Variants in ZNF785 observed in about 807,000 individuals in gnomAD.
ZNF785 encodes the protein zinc finger protein 785.
Under a neutral mutation model 11.3 loss-of-function variants are expected in ZNF785, and 15 were observed. The observed-to-expected ratio is 1.32, with a 90% CI of 0.89 to 2.04. ZNF785 has a LOEUF of 2.04. Ranked by LOEUF, ZNF785 falls within the 30% of genes most tolerant of loss-of-function variation. The pLI, the probability that ZNF785 is intolerant of heterozygous loss-of-function variation, is 0.00. For synonymous variants in ZNF785, 221 were observed against 231.0 expected (o/e 0.96, Z 0.39); for missense variants, 572 against 560.9 (o/e 1.02, Z -0.20).
rs374872753 is a variant in ZNF785, at chr16:30,585,465, C to T, written c.147G>A (p.Ala49=). The T allele has an allele frequency of 6.2e-7, 1 of 1,603,442 alleles. No homozygotes were observed. Among genetic ancestry groups the T allele is most frequent in the Non-Finnish European group, 8.5e-7 (1 of 1,175,626 alleles). ...SPEEWECLRP[A]QRALYRDVMR... ...TCACGTCCCGGTACAGGGCCCTCTG[C>T]GCTGGCCGCAGGCATTCCCACTCCT... is the stretch of plus-strand genomic sequence containing the variant. Residue 49 remains alanine (A), a synonymous_variant, in exon 1 of 3, where the codon GCG becomes GCA. Transcript: ENST00000395216. This position sits in a 1 kb window ranked among gnomAD's most constrained non-coding sequence, Gnocchi z 4.0.
At position 30,581,393 on chromosome 16, in the gene ZNF785, G is replaced by GAGCTTGCAGTGAGCGT. The variant is rs2051806891; in HGVS notation, c.*1151_*1166dup. 1 of 150,306 alleles carries GAGCTTGCAGTGAGCGT rather than the reference G, an allele frequency of 6.7e-6. No individual in the cohort carries two copies. Among genetic ancestry groups the GAGCTTGCAGTGAGCGT allele is most frequent in the Non-Finnish European group, 1.5e-5 (1 of 67,774 alleles). The allele number at this position is 150,306 out of a possible 1,614,324, so 9.3% of individuals were successfully genotyped here. A position where few individuals can be genotyped will look rare whatever the true frequency, so the allele number is the denominator to read the frequency against. On this transcript the variant is annotated 3_prime_UTR_variant, in exon 3 of 3. Transcript: ENST00000395216. ...GAGAATGGTGTGAACCCAGGAGGTG[G>GAGCTTGCAGTGAGCGT]AGCTTGCAGTGAGCGTAGCTTGGGC...
chr16:30,582,403 G>T lies in ZNF785; in HGVS notation c.*157C>A. 9.1e-7 allele frequency: 1 copy of T among 1,094,520 alleles called. No individual in the cohort carries two copies. The highest frequency in any genetic ancestry group is 1.3e-6 in the Non-Finnish European group (1 of 786,908). 67.8% of individuals were successfully genotyped at this position (1,094,520 alleles called of 1,614,324 possible). ...CCCCCAGGCACCTTTTCAGATTCCTGCCTCCTCCCCACAGCCCTCTGTGCC... is the reference window on the plus strand; with the variant it reads ...CCCCCAGGCACCTTTTCAGATTCCTTCCTCCTCCCCACAGCCCTCTGTGCC... On this transcript the variant is annotated 3_prime_UTR_variant, in exon 3 of 3. Coordinates refer to ENST00000395216, the MANE Select transcript of ZNF785 (RefSeq NM_152458.7).
chr16:30,578,909 T>C (rs2051772705), downstream of ZNF785: 1 of 150,488 alleles, frequency 6.6e-6, no homozygotes, highest in Non-Finnish European at 1.5e-5. Flanking sequence ...CTCAAACTCC[T>C]GGGCTCAAGC....
chr16:30,583,946 G>T (rs1193953596), intron 2 of ZNF785: 3 of 152,326 alleles, frequency 2.0e-5, no homozygotes, highest in Non-Finnish European at 4.4e-5. Flanking sequence ...AGGAGTTCGA[G>T]ACCTGCCTGG....
chr16:30,584,482 T>C (rs2051862811), intron 2 of ZNF785, among the ~76,000 whole-genome samples: 1 of 152,034 alleles, frequency 6.6e-6, no homozygotes, highest in African/African-American at 2.4e-5. Flanking sequence ...AAAGCCCGTC[T>C]CTACTAAAAA....
Position 30,585,537 on chromosome 16 carries a change from C to A in ZNF785, c.75G>T (p.Arg25Ser). The change falls in exon 1 of 3, where the codon AGG (arginine) becomes AGT (serine). Residue 25 changes from arginine to serine, a missense_variant. Physicochemically the swap from Arg to Ser is moderately radical, Grantham distance 110. Transcript: ENST00000395216. The surrounding 1 kb of genome is among the most constrained non-coding windows in gnomAD (Gnocchi z 4.0). ...CGTCCGCGAAGCTCACGGCGCCCGG[C>A]CTGCTTTCCCTCGTCCTCCGGGGCC... ...EAGPRRTRES[R>S]PGAVSFADVA... The A allele has an allele frequency of 6.3e-7, 1 of 1,578,024 alleles. No individual in the cohort carries two copies. Among genetic ancestry groups the A allele is most frequent in the South Asian group, 1.1e-5 (1 of 87,274 alleles).
Position 30,581,479 on chromosome 16 carries a change from A to AG in ZNF785, c.*1080dup, listed in dbSNP as rs1478804507. Reference sequence around the variant, plus strand: ...TGTCTCAAAAAAAAAAAAAAAAAAAAGAATCCTCCGGCATTATATCTCCAG... The same window carrying AG: ...TGTCTCAAAAAAAAAAAAAAAAAAAAGGAATCCTCCGGCATTATATCTCCAG... On this transcript the variant is annotated 3_prime_UTR_variant, in exon 3 of 3. Coordinates refer to ENST00000395216, the MANE Select transcript of ZNF785 (RefSeq NM_152458.7). 1 of 151,136 alleles carries AG rather than the reference A, an allele frequency of 6.6e-6. No homozygotes were observed. Among genetic ancestry groups the AG allele is most frequent in the Non-Finnish European group, 1.5e-5 (1 of 67,868 alleles). 9.4% of individuals were successfully genotyped at this position (151,136 alleles called of 1,614,324 possible).
chr16:30,578,731 A>C (rs952542592), downstream of ZNF785: 1 of 151,586 alleles, frequency 6.6e-6, no homozygotes, highest in African/African-American at 2.4e-5. Flanking sequence ...GGGTTTCTCC[A>C]TGTTCGTCAG....
chr16:30,583,659 C>T, intron 2 of ZNF785: 1 of 527,966 alleles, frequency 1.9e-6, no homozygotes, highest in East Asian at 3.3e-5. Flanking sequence ...CCATGGTCTG[C>T]AGGTTAACAC....
chr16:30,585,369 G>A lies in ZNF785; in HGVS notation c.205+38C>T, dbSNP rs1184078163. The A allele has an allele frequency of 1.9e-6, 3 of 1,572,710 alleles. No homozygotes were observed. The African/African-American group carries it at 4.1e-5, about 21-fold the overall frequency. ...GGGACACCGATCACCGCTTCCCACC[G>A]ACGGACTGGGGGTCCCGGCCGGAGG... is the stretch of plus-strand genomic sequence containing the variant. On this transcript the variant is annotated intron_variant, in intron 1 of 2. Transcript: ENST00000395216. This position sits in a 1 kb window ranked among gnomAD's most constrained non-coding sequence, Gnocchi z 4.0.
In ZNF785 at chr16:30,585,255, G is replaced by C. The variant is rs767574584; in HGVS notation, c.206-5C>G. Reference sequence around the variant, plus strand: ...CGGGTTTGGGAACTGAAAATCCTGCGAAGGAGAAACAATGGGCTCGGCTGA... The same window carrying C: ...CGGGTTTGGGAACTGAAAATCCTGCCAAGGAGAAACAATGGGCTCGGCTGA... On this transcript the variant is annotated splice_polypyrimidine_tract_variant and splice_region_variant and intron_variant, in intron 1 of 2. Transcript: ENST00000395216. This position sits in a 1 kb window ranked among gnomAD's most constrained non-coding sequence, Gnocchi z 4.0. 2 of 1,613,734 alleles carry C rather than the reference G, an allele frequency of 1.2e-6. No individual in the cohort carries two copies. Among genetic ancestry groups the C allele is most frequent in the Non-Finnish European group, 8.5e-7 (1 of 1,179,866 alleles).
Position 30,583,288 on chromosome 16 carries a change from C to A in ZNF785, c.490G>T (p.Asp164Tyr). The A allele has an allele frequency of 1.2e-6, 2 of 1,613,912 alleles. No individual in the cohort carries two copies. Among genetic ancestry groups the A allele is most frequent in the Non-Finnish European group, 8.5e-7 (1 of 1,179,864 alleles). The change falls in exon 3 of 3, where the codon GAC (aspartate) becomes TAC (tyrosine). Residue 164 changes from aspartate to tyrosine, a missense_variant. Transcript: ENST00000395216. ...RQSPMNPWLKDTLTRRLPHSC... is the reference protein window; with the variant it reads ...RQSPMNPWLKYTLTRRLPHSC... ...TGGGGCAGTCTTCGGGTCAGAGTGT[C>A]CTTGAGCCAGGGATTCATGGGGCTC...
chr16:30,585,639 A>C lies in ZNF785; in HGVS notation c.-28T>G. On this transcript the variant is annotated 5_prime_UTR_variant, in exon 1 of 3. Transcript: ENST00000395216. This position sits in a 1 kb window ranked among gnomAD's most constrained non-coding sequence, Gnocchi z 4.0. ...GAAACCCTTTCTGCCTGGCAAAGGG[A>C]GGCTTCCGGGGAAGGTGGAGATGCT... 1.4e-6 allele frequency: 2 copies of C among 1,454,176 alleles called. No homozygotes were observed. The highest frequency in any genetic ancestry group is 1.8e-6 in the Non-Finnish European group (2 of 1,111,472). 90.1% of individuals were successfully genotyped at this position (1,454,176 alleles called of 1,614,324 possible).
rs368509477 is a variant in ZNF785, at chr16:30,585,383, C to T, written c.205+24G>A. ...CGCTTCCCACCGACGGACTGGGGGT[C>T]CCGGCCGGAGGGCCCGGCCTCACCC... On this transcript the variant is annotated intron_variant, in intron 1 of 2. Transcript: ENST00000395216. This position sits in a 1 kb window ranked among gnomAD's most constrained non-coding sequence, Gnocchi z 4.0. 2.2e-4 allele frequency: 342 copies of T among 1,574,972 alleles called. No individual in the cohort carries two copies. The highest frequency in any genetic ancestry group is 2.8e-4 in the Non-Finnish European group (321 of 1,162,286).
In ZNF785 at chr16:30,581,184, G is replaced by A. The variant is rs897885953; in HGVS notation, c.*1376C>T. The stretch of plus-strand genomic sequence containing the variant: ...CATCTCAAAAAAAAAAAGAGGCTGG[G>A]TGCAGTGGCTCACGCCTGTAATCCC... On this transcript the variant is annotated 3_prime_UTR_variant, in exon 3 of 3. Transcript: ENST00000395216. 2.9e-4 allele frequency: 44 copies of A among 152,810 alleles called. No individual in the cohort carries two copies. In the Middle Eastern group the frequency reaches 0.01, roughly 35 times the overall value. The allele number at this position is 152,810 out of a possible 1,614,324, so 9.5% of individuals were successfully genotyped here.
Position 30,582,396 on chromosome 16 carries a change from G to T in ZNF785, c.*164C>A, listed in dbSNP as rs2051822020. On this transcript the variant is annotated 3_prime_UTR_variant, in exon 3 of 3. Coordinates refer to ENST00000395216, the MANE Select transcript of ZNF785 (RefSeq NM_152458.7). ...GGGTCAACCCCCAGGCACCTTTTCA[G>T]ATTCCTGCCTCCTCCCCACAGCCCT... 1 of 1,049,908 alleles carries T rather than the reference G, an allele frequency of 9.5e-7. No homozygotes were observed. The highest frequency in any genetic ancestry group is 1.7e-5 in the South Asian group (1 of 59,150). 65.0% of individuals were successfully genotyped at this position (1,049,908 alleles called of 1,614,324 possible).
chr16:30,582,703 G>A lies in ZNF785; in HGVS notation c.1075C>T (p.Arg359Trp), dbSNP rs147900489. 175 of 1,613,732 alleles carry A rather than the reference G, an allele frequency of 1.1e-4. No homozygotes were observed. Among genetic ancestry groups the A allele is most frequent in the Non-Finnish European group, 1.5e-4 (172 of 1,179,798 alleles). ...TCGCTGCAGGAGCGGTGGATCCACC[G>A]ATGGGCTTCCAGGGCGGTCTTGCGC... ...FKRKTALEAH[R>W]WIHRSCSERR... The change falls in exon 3 of 3, where the codon CGG (arginine) becomes TGG (tryptophan). Residue 359 changes from arginine to tryptophan, a missense_variant. Arg to Trp is a moderately radical substitution (Grantham distance 101). Coordinates refer to ENST00000395216, the MANE Select transcript of ZNF785 (RefSeq NM_152458.7).
downstream of ZNF785, chr16:30,578,910 G>A (rs1249524170): frequency 2.0e-5 from 3 of 149,378 alleles, no homozygotes; most frequent in African/African-American, 7.4e-5. Context: ...TCAAACTCCT[G>A]GGCTCAAGCT....
Position 30,583,447 on chromosome 16 carries a change from A to C in ZNF785, c.335-4T>G. On this transcript the variant is annotated splice_region_variant and splice_polypyrimidine_tract_variant and intron_variant, in intron 2 of 2. Coordinates refer to ENST00000395216, the MANE Select transcript of ZNF785 (RefSeq NM_152458.7). ...TCCTCATTCCCATCCCTGGATCCTGAAACAGGGAAGATGATAAAATCAGAA... is the reference window on the plus strand; with the variant it reads ...TCCTCATTCCCATCCCTGGATCCTGCAACAGGGAAGATGATAAAATCAGAA... 1 of 1,526,804 alleles carries C rather than the reference A, an allele frequency of 6.5e-7. No homozygotes were observed. Among genetic ancestry groups the C allele is most frequent in the Non-Finnish European group, 8.8e-7 (1 of 1,137,538 alleles). 94.6% of individuals were successfully genotyped at this position (1,526,804 alleles called of 1,614,324 possible). A position where few individuals can be genotyped will look rare whatever the true frequency, so the allele number is the denominator to read the frequency against.
Sources: allele counts gnomAD v4.1 joint callset (sites outside exome capture counted in the v4.1 genomes callset), GRCh38; gene constraint gnomAD v4.1.1; non-coding constraint Gnocchi (gnomAD v3.1); transcripts MANE v1.5; gene names NCBI Gene and HGNC (gene_info 2026-07-23, HGNC 2026-07-21).